Variants in BBX observed in about 807,000 individuals in gnomAD.
BBX encodes the protein BBX high mobility group box domain containing.
Under a neutral mutation model 100.2 loss-of-function variants are expected in BBX, and 30 were observed. That is an observed-to-expected ratio of 0.30 (90% CI 0.22 to 0.41). The LOEUF is 0.41. Among genes scored for constraint, BBX ranks in the 10% least tolerant of loss-of-function variants. BBX has a pLI of 1.00. For missense variants in BBX, 1,023 were observed against 1,129.8 expected, an observed-to-expected ratio of 0.91 and a Z score of 1.35; for synonymous variants, 376 against 388.1, an observed-to-expected ratio of 0.97 and a Z score of 0.37.
At chr3:107,705,575 T>C (rs954185134) in intron 3 of BBX, among the ~76,000 whole-genome samples, 3 of 152,212 alleles carry the variant, frequency 2.0e-5, no homozygotes, top group African/African-American at 4.8e-5. Flanking sequence ...TTATATCATC[T>C]GGGCAGCATA....
intron 2 of BBX, among the ~76,000 whole-genome samples, chr3:107,640,142 C>T (rs1194066414): frequency 6.6e-6 from 1 of 152,140 alleles, no homozygotes; most frequent in African/African-American, 2.4e-5. Context: ...AATAGAGGCT[C>T]AGAGAGGCTT....
chr3:107,532,502 G>T (rs561120948), intron 2 of BBX, among the ~76,000 whole-genome samples: 1 of 152,318 alleles, frequency 6.6e-6, no homozygotes, highest in South Asian at 2.1e-4. Context: ...TGGAGATTGA[G>T]AAGTGTTACA....
chr3:107,795,820 C>G (rs556935291), intron 15 of BBX, among the ~76,000 whole-genome samples: 1 of 152,106 alleles, frequency 6.6e-6, no homozygotes, highest in South Asian at 2.1e-4. Flanking sequence ...TGCAATCAAC[C>G]CTTTTGCAGC....
At chr3:107,564,222 T>C (rs1379399788) in intron 2 of BBX, among the ~76,000 whole-genome samples, 1 of 152,208 alleles carries the variant, frequency 6.6e-6, no homozygotes, top group Non-Finnish European at 1.5e-5. Context: ...TGGGCTCTCC[T>C]TTCTTTTCTA....
At chr3:107,638,780 TACACAC>T (rs61081300) in intron 2 of BBX, among the ~76,000 whole-genome samples, 6,155 of 99,460 alleles carry the variant, frequency 0.062, 460 homozygotes, top group Non-Finnish European at 0.07. Flanking sequence ...AAAAAAAGTA[TACACAC>T]ACACACACAC....
intron 17 of BBX, among the ~76,000 whole-genome samples, chr3:107,804,700 T>G (rs2070902576): frequency 6.6e-6 from 1 of 152,202 alleles, no homozygotes; most frequent in Non-Finnish European, 1.5e-5. Flanking sequence ...TTCACCCAAC[T>G]AGGGTAGATT....
At chr3:107,556,503 G>A (rs545256501) in intron 2 of BBX, among the ~76,000 whole-genome samples, 78 of 152,216 alleles carry the variant, frequency 5.1e-4, no homozygotes, top group African/African-American at 1.8e-3. Context: ...ATAAGTACCT[G>A]GTACCTTTCT....
intron 2 of BBX, among the ~76,000 whole-genome samples, chr3:107,631,222 G>A (rs938850708): frequency 5.3e-5 from 8 of 152,288 alleles, no homozygotes; most frequent in South Asian, 2.1e-4. Context: ...AGCCTTCTAA[G>A]CCTTTGGGCT....
chr3:107,523,227 G>T (rs2047487510), intron 1 of BBX, 120 bp downstream of exon 1: 1 of 223,214 alleles, frequency 4.5e-6, no homozygotes, highest in Non-Finnish European at 9.1e-6. Flanking sequence ...CAGCGGCGGC[G>T]GCGGCGGCGG....
At chr3:107,632,774 G>T (rs2056624644) in intron 2 of BBX, among the ~76,000 whole-genome samples, 1 of 152,110 alleles carries the variant, frequency 6.6e-6, no homozygotes, top group Admixed American at 6.5e-5. Flanking sequence ...ACCCTGCAAG[G>T]TCAGCTAAAA....
chr3:107,770,029 A>G (rs866298299), intron 10 of BBX, among the ~76,000 whole-genome samples: 1 of 152,214 alleles, frequency 6.6e-6, no homozygotes, highest in Non-Finnish European at 1.5e-5. Flanking sequence ...AAAATTTTTA[A>G]GAGCCTGAAA....
At chr3:107,783,530 A>G (rs2068108344) in intron 13 of BBX, among the ~76,000 whole-genome samples, 1 of 152,058 alleles carries the variant, frequency 6.6e-6, no homozygotes, top group Admixed American at 6.6e-5. Context: ...GCTTCTGTGA[A>G]CTACTTCTTT....
intron 2 of BBX, among the ~76,000 whole-genome samples, chr3:107,539,142 A>G (rs192399907): frequency 1.3e-5 from 2 of 152,252 alleles, no homozygotes; most frequent in South Asian, 2.1e-4. Flanking sequence ...AATGTCCTTT[A>G]TCATAACTAT....
At chr3:107,556,476 G>C (rs2050106757) in intron 2 of BBX, among the ~76,000 whole-genome samples, 1 of 152,050 alleles carries the variant, frequency 6.6e-6, no homozygotes, top group Admixed American at 6.5e-5. Flanking sequence ...TGTAAATGCT[G>C]GGTGTTATAC....
At position 107,684,041 on chromosome 3, in the gene BBX, C is replaced by T. The variant is rs1307923116; in HGVS notation, c.-9-26411C>T. Among the ~76,000 whole-genome samples, 94 of 152,164 alleles carry T rather than the reference C, an allele frequency of 6.2e-4. 5 individuals are homozygous for T. The highest frequency in any genetic ancestry group is 6.2e-3 in the Admixed American group (94 of 15,264). On this transcript the variant is annotated intron_variant, in intron 3 of 17. Transcript: ENST00000325805. ...TTAAGTTATCAAAAATAAGAGCCTT[C>T]CCATTATTTTACTATGTCAATATCT...
At chr3:107,607,222 G>A (rs577544730) in intron 2 of BBX, among the ~76,000 whole-genome samples, 11 of 151,916 alleles carry the variant, frequency 7.2e-5, no homozygotes, top group Non-Finnish European at 1.5e-4. Context: ...TCAGCCTCCC[G>A]AGTAGCTGGG....
intron 3 of BBX, among the ~76,000 whole-genome samples, chr3:107,675,241 G>A (rs975368829): frequency 6.6e-6 from 1 of 152,144 alleles, no homozygotes; most frequent in Non-Finnish European, 1.5e-5. Context: ...AGAGGCAAAA[G>A]ATGGCAGTTT....
chr3:107,774,858 G>C lies in BBX; in HGVS notation c.2054+1G>C. ...AGCCAAAAGAAGACTGTCTCCTTGGGTAAGTGCCTGTGAGCACAGTCACCT... is the reference window on the plus strand; with the variant it reads ...AGCCAAAAGAAGACTGTCTCCTTGGCTAAGTGCCTGTGAGCACAGTCACCT... On this transcript the variant is annotated splice_donor_variant, in intron 12 of 17. Transcript: ENST00000325805. LOFTEE classifies it high-confidence loss of function. 1.9e-6 allele frequency: 3 copies of C among 1,612,840 alleles called. No homozygotes were observed. In the African/African-American group the frequency reaches 4.0e-5, roughly 22 times the overall value.
chr3:107,571,582 G>A (rs975618451), intron 2 of BBX, among the ~76,000 whole-genome samples: 1 of 152,190 alleles, frequency 6.6e-6, no homozygotes, highest in African/African-American at 2.4e-5. Flanking sequence ...TTTGAAATTG[G>A]TGAGATATTC....
Sources: allele counts gnomAD v4.1 joint callset (sites outside exome capture counted in the v4.1 genomes callset), GRCh38; gene constraint gnomAD v4.1.1; transcripts MANE v1.5; gene names NCBI Gene and HGNC (gene_info 2026-07-23, HGNC 2026-07-21).